The following SLC60A2 variants were observed in gnomAD, a reference collection of about 807,000 sequenced individuals.
SLC60A2 encodes solute carrier family 60 member 2, also known as major facilitator superfamily domain containing 4B.
chr6:111,274,063 G>A, the SLC60A2 span, among the ~76,000 whole-genome samples: 54 of 152,018 alleles, frequency 3.6e-4, no homozygotes, highest in East Asian at 7.7e-3. Flanking sequence ...ACTATGTTGC[G>A]CAGGCTGGTC....
chr6:111,261,476 T>TAG, the SLC60A2 span, among the ~76,000 whole-genome samples: 1 of 152,132 alleles, frequency 6.6e-6, no homozygotes, highest in Non-Finnish European at 1.5e-5. Context: ...TTTATTTTTG[T>TAG]AGAGATGGGG....
chr6:111,270,911 T>C, the SLC60A2 span: 1 of 152,092 alleles, frequency 6.6e-6, no homozygotes, highest in South Asian at 2.1e-4. Context: ...TGAAAGTGCT[T>C]ACAGGTACAG....
At chr6:111,279,910 T>C in the SLC60A2 span, among the ~76,000 whole-genome samples, 104,333 of 152,000 alleles carry the variant, frequency 0.69, 38,504 homozygotes, top group Non-Finnish European at 0.82. Context: ...ACTGCATGAG[T>C]GAGACTCCAT....
chr6:111,272,044 A>T, the SLC60A2 span, among the ~76,000 whole-genome samples: 1 of 152,164 alleles, frequency 6.6e-6, no homozygotes, highest in South Asian at 2.1e-4. Flanking sequence ...CTTAAAAGTT[A>T]TTTTTATTTT....
At chr6:111,279,326 A>G in the SLC60A2 span, among the ~76,000 whole-genome samples, 1 of 149,740 alleles carries the variant, frequency 6.7e-6, no homozygotes, top group African/African-American at 2.5e-5. Flanking sequence ...CAGTGGCGCT[A>G]TCTCAGCTCA....
the SLC60A2 span, chr6:111,267,123 A>C: frequency 6.3e-7 from 1 of 1,595,896 alleles, no homozygotes; most frequent in Non-Finnish European, 8.5e-7. Flanking sequence ...CGTTTAGAGA[A>C]GATGGATTAC....
the SLC60A2 span, among the ~76,000 whole-genome samples, chr6:111,260,866 C>G: frequency 6.6e-6 from 1 of 152,238 alleles, no homozygotes; most frequent in African/African-American, 2.4e-5. Context: ...TCAGGCTTCT[C>G]TCGAAGTACG....
the SLC60A2 span, chr6:111,259,644 G>A: frequency 6.5e-7 from 1 of 1,542,920 alleles, no homozygotes. Flanking sequence ...GGAGGTGGTG[G>A]TGGTCTCCTG....
chr6:111,262,502 T>C, the SLC60A2 span: 1 of 1,386,544 alleles, frequency 7.2e-7, no homozygotes, highest in Non-Finnish European at 1.0e-6. Context: ...ATGAAAATAC[T>C]AGCATGCAGA....
the SLC60A2 span, chr6:111,278,151 T>TA: frequency 1.3e-5 from 2 of 152,210 alleles, no homozygotes; most frequent in African/African-American, 2.4e-5. Flanking sequence ...GCTTGCCTAA[T>TA]AAAAAACGTA....
At chr6:111,268,727 T>G in the SLC60A2 span, 2 of 152,184 alleles carry the variant, frequency 1.3e-5, no homozygotes, top group Admixed American at 1.3e-4. Context: ...TAGGTCACGC[T>G]GCAAGTGTAA....
the SLC60A2 span, among the ~76,000 whole-genome samples, chr6:111,262,809 A>C: frequency 6.6e-6 from 1 of 152,158 alleles, no homozygotes; most frequent in Non-Finnish European, 1.5e-5. Context: ...TACACCCTGG[A>C]TTGGGAATGA....
At chr6:111,264,472 C>T in the SLC60A2 span, among the ~76,000 whole-genome samples, 15 of 151,882 alleles carry the variant, frequency 9.9e-5, no homozygotes, top group Non-Finnish European at 2.1e-4. Context: ...GATTCTTTCC[C>T]GTATCATCAT....
At chr6:111,270,214 A>G in the SLC60A2 span, 1 of 152,306 alleles carries the variant, frequency 6.6e-6, no homozygotes, top group African/African-American at 2.4e-5. Context: ...TTACGTCATT[A>G]TGGGAATAAC....
the SLC60A2 span, chr6:111,265,995 G>A: frequency 6.2e-7 from 1 of 1,614,018 alleles, no homozygotes; most frequent in Non-Finnish European, 8.5e-7. Flanking sequence ...ACTGGCTTTG[G>A]GTCCGACAGC....
chr6:111,259,780 C>A, the SLC60A2 span: 1 of 1,524,206 alleles, frequency 6.6e-7, no homozygotes, highest in Non-Finnish European at 8.8e-7. Flanking sequence ...GTCTTGCCTT[C>A]GCCACTTGCA....
At chr6:111,259,690 T>C in the SLC60A2 span, 2 of 1,598,652 alleles carry the variant, frequency 1.3e-6, no homozygotes, top group South Asian at 1.1e-5. Flanking sequence ...CTGCGGTGGT[T>C]CACCACCTTG....
chr6:111,265,020 G>A, the SLC60A2 span, among the ~76,000 whole-genome samples: 1 of 152,102 alleles, frequency 6.6e-6, no homozygotes, highest in Non-Finnish European at 1.5e-5. Flanking sequence ...TTGAACCCAG[G>A]AGGTGGAGGT....
the SLC60A2 span, among the ~76,000 whole-genome samples, chr6:111,275,602 G>T: frequency 6.6e-6 from 1 of 151,918 alleles, no homozygotes; most frequent in Non-Finnish European, 1.5e-5. Context: ...TAAAAACAGG[G>T]TTTCACAATG....
Sources: gnomAD v4.1 joint callset for allele counts (sites outside exome capture counted in the v4.1 genomes callset) on GRCh38, gnomAD v4.1.1 for gene constraint, MANE v1.5 for transcripts, NCBI Gene and HGNC (gene_info 2026-07-23, HGNC 2026-07-21) for gene names.